Variants in RSRC1 observed in about 807,000 individuals in gnomAD.
RSRC1 encodes the protein serine/Arginine-related protein 53.
RSRC1 carries 39 observed loss-of-function variants against 49.1 expected under a neutral mutation model. That is an observed-to-expected ratio of 0.79 (90% CI 0.61 to 1.04). RSRC1 has a LOEUF of 1.04. Ranked by LOEUF, RSRC1 falls within the 50% of genes least tolerant of loss-of-function variation. RSRC1 has a pLI of 0.00. For missense variants in RSRC1, 388 were observed against 402.4 expected (o/e 0.96, Z 0.31); for synonymous variants, 143 against 130.8 (o/e 1.09, Z -0.63).
At chr3:158,351,817 T>C (rs1357575361) in intron 5 of RSRC1, among the ~76,000 whole-genome samples, 1 of 150,352 alleles carries the variant, frequency 6.7e-6, no homozygotes, top group East Asian at 1.9e-4. Context: ...TATTATAAAT[T>C]GTTGGAGTTA....
chr3:158,351,662 T>C (rs1730881414), intron 5 of RSRC1, among the ~76,000 whole-genome samples: 1 of 151,942 alleles, frequency 6.6e-6, no homozygotes, highest in Admixed American at 6.6e-5. Context: ...TTGATTTTAT[T>C]TCCTGAGTAT....
chr3:158,161,973 C>G (rs1003263946), intron 3 of RSRC1, among the ~76,000 whole-genome samples: 1 of 151,964 alleles, frequency 6.6e-6, no homozygotes, highest in African/African-American at 2.4e-5. Context: ...GAGTGAGACC[C>G]CATCTCAACA....
chr3:158,507,690 C>CA (rs919617913), intron 7 of RSRC1, among the ~76,000 whole-genome samples: 3 of 152,102 alleles, frequency 2.0e-5, no homozygotes, highest in Non-Finnish European at 4.4e-5. Context: ...GGATTATTCT[C>CA]TATTGTTTAA....
chr3:158,198,668 G>C (rs1720814873), intron 3 of RSRC1, among the ~76,000 whole-genome samples: 1 of 151,862 alleles, frequency 6.6e-6, no homozygotes, highest in Non-Finnish European at 1.5e-5. Context: ...TTCACCCACT[G>C]TCGTGCACCC....
At chr3:158,409,220 C>A (rs1156542008) in intron 6 of RSRC1, among the ~76,000 whole-genome samples, 1 of 151,944 alleles carries the variant, frequency 6.6e-6, no homozygotes, top group African/African-American at 2.4e-5. Flanking sequence ...ATAATCTATA[C>A]AGTAAACCCC....
At chr3:158,292,061 A>G (rs142597908) in intron 4 of RSRC1, among the ~76,000 whole-genome samples, 1 of 152,314 alleles carries the variant, frequency 6.6e-6, no homozygotes, top group African/African-American at 2.4e-5. Context: ...TAAGATTAAA[A>G]CTATCAGGTG....
intron 3 of RSRC1, among the ~76,000 whole-genome samples, chr3:158,154,706 G>T (rs1193847882): frequency 6.6e-6 from 1 of 151,952 alleles, no homozygotes; most frequent in African/African-American, 2.4e-5. Context: ...CTCATGATCC[G>T]CCCACCTCTG....
intron 1 of RSRC1, among the ~76,000 whole-genome samples, chr3:158,113,320 T>C (rs1158685431): frequency 6.6e-6 from 1 of 151,914 alleles, no homozygotes; most frequent in Non-Finnish European, 1.5e-5. Context: ...AGTTTATTAA[T>C]AAAAGTGTTC....
intron 7 of RSRC1, among the ~76,000 whole-genome samples, chr3:158,495,033 C>T (rs1415819295): frequency 2.0e-5 from 3 of 152,148 alleles, no homozygotes; most frequent in South Asian, 2.1e-4. Context: ...AGACTGGCAG[C>T]GCTGCTTTGT....
intron 5 of RSRC1, among the ~76,000 whole-genome samples, chr3:158,350,263 C>G (rs548111386): frequency 6.7e-6 from 1 of 149,060 alleles, no homozygotes; most frequent in African/African-American, 2.5e-5. Context: ...CTGCAGTCTT[C>G]ACCTCCCAGG....
At chr3:158,127,097 A>G (rs923682658) in intron 3 of RSRC1, among the ~76,000 whole-genome samples, 1 of 151,998 alleles carries the variant, frequency 6.6e-6, no homozygotes, top group Non-Finnish European at 1.5e-5. Flanking sequence ...TAATGTGTCT[A>G]TGTGGGCCTC....
intron 3 of RSRC1, among the ~76,000 whole-genome samples, chr3:158,192,387 C>T (rs1459436431): frequency 6.6e-6 from 1 of 151,986 alleles, no homozygotes; most frequent in Non-Finnish European, 1.5e-5. Flanking sequence ...GAATAATGAG[C>T]ACAATTAGTT....
chr3:158,121,765 C>G (rs745669623), intron 1 of RSRC1, among the ~76,000 whole-genome samples: 4 of 152,138 alleles, frequency 2.6e-5, no homozygotes, highest in Admixed American at 6.5e-5. Flanking sequence ...AAGAACTGCT[C>G]TCAGTCTTGT....
At position 158,539,617 on chromosome 3, in the gene RSRC1, G is replaced by A. The variant is rs780148876; in HGVS notation, c.759+2419G>A. Among the ~76,000 whole-genome samples, 9 of 152,046 alleles carry A rather than the reference G, an allele frequency of 5.9e-5. No individual in the cohort carries two copies. The highest frequency in any genetic ancestry group is 1.0e-4 in the Non-Finnish European group (7 of 67,982). The stretch of plus-strand genomic sequence containing the variant: ...ATTTTTACAAACTAAACCACCAGGT[G>A]GCAGCGCTACTCAAAGCCATATATT... On this transcript the variant is annotated intron_variant, in intron 8 of 9. Coordinates refer to ENST00000611884, the MANE Select transcript of RSRC1 (RefSeq NM_001271838.2). The surrounding 1 kb of genome is among the most constrained non-coding windows in gnomAD (Gnocchi z 4.1).
At position 158,197,036 on chromosome 3, in the gene RSRC1, C is replaced by G. The variant is rs150216603; in HGVS notation, c.321-6036C>G. On this transcript the variant is annotated intron_variant, in intron 3 of 9. Coordinates refer to ENST00000611884, the MANE Select transcript of RSRC1 (RefSeq NM_001271838.2). ...CTCATAAAACGAGTTAGGGATGATT[C>G]CCTCTTTTTCTATTGATTGGAATAG... Among the ~76,000 whole-genome samples, 923 of 152,212 alleles carry G rather than the reference C, an allele frequency of 6.1e-3. 2 individuals carry two copies. The highest frequency in any genetic ancestry group is 0.011 in the Non-Finnish European group (747 of 68,004).
At chr3:158,225,142 G>GTA (rs945392352) in intron 4 of RSRC1, among the ~76,000 whole-genome samples, 1 of 151,836 alleles carries the variant, frequency 6.6e-6, no homozygotes, top group African/African-American at 2.4e-5. Context: ...CATGGTAGAT[G>GTA]TATAGCAAGA....
chr3:158,161,284 G>A (rs1247403987), intron 3 of RSRC1, among the ~76,000 whole-genome samples: 1 of 152,064 alleles, frequency 6.6e-6, no homozygotes, highest in Non-Finnish European at 1.5e-5. Flanking sequence ...CTCTGTTCCT[G>A]TCTCTTTCAT....
chr3:158,130,981 AG>A (rs1715979312), intron 3 of RSRC1, among the ~76,000 whole-genome samples: 1 of 152,118 alleles, frequency 6.6e-6, no homozygotes, highest in African/African-American at 2.4e-5. Context: ...CTATTTCTGT[AG>A]TTTTCTCGGC....
intron 4 of RSRC1, among the ~76,000 whole-genome samples, chr3:158,286,123 C>T (rs1359638386): frequency 6.6e-6 from 1 of 152,184 alleles, no homozygotes; most frequent in East Asian, 1.9e-4. Context: ...CCAGGTTCAG[C>T]TAGTGTTTAT....
Sources: gnomAD v4.1 joint callset for allele counts (sites outside exome capture counted in the v4.1 genomes callset) on GRCh38, gnomAD v4.1.1 for gene constraint, Gnocchi (gnomAD v3.1) non-coding constraint, MANE v1.5 for transcripts, NCBI Gene and HGNC (gene_info 2026-07-23, HGNC 2026-07-21) for gene names.